Variants in CFAP74 observed in about 807,000 individuals in gnomAD.
CFAP74 encodes cilia and flagella associated protein 74.
CFAP74 carries 124 observed loss-of-function variants against 188.9 expected under a neutral mutation model. The ratio of observed to expected loss-of-function variants is 0.66; its 90% CI spans 0.57 to 0.76. The LOEUF (loss-of-function observed/expected upper bound fraction) is 0.76, where lower values mean the gene tolerates loss of function less well. CFAP74 is among the 30% of genes least tolerant of loss of function. The pLI is 0.00. For synonymous variants in CFAP74, 956 were observed against 916.7 expected, an observed-to-expected ratio of 1.04 and a Z score of -0.77; for missense variants, 2,198 against 2,165.2, an observed-to-expected ratio of 1.02 and a Z score of -0.30.
At chr1:1,947,913 T>C in intron 18 of CFAP74, among the ~76,000 whole-genome samples, 1 of 152,102 alleles carries the variant, frequency 6.6e-6, no homozygotes, top group African/African-American at 2.4e-5. Flanking sequence ...CGGTCTGTCA[T>C]CCAGGCTGGA....
chr1:1,922,170 T>G lies in CFAP74; in HGVS notation c.*117A>C. 8.0e-6 allele frequency: 4 copies of G among 502,692 alleles called. No individual in the cohort carries two copies. Among genetic ancestry groups the G allele is most frequent in the Non-Finnish European group, 9.6e-6 (3 of 311,188 alleles). 31.1% of individuals were successfully genotyped at this position (502,692 alleles called of 1,614,324 possible). On this transcript the variant is annotated 3_prime_UTR_variant, in exon 39 of 39. Coordinates refer to ENST00000682832, the MANE Select transcript of CFAP74 (RefSeq NM_001304360.2). Reference sequence around the variant, plus strand: ...GTGGCGCCATGTGGAGGGCGGCCTATTGGAATCTGGCAGAGGATGGCCAGG... The same window carrying G: ...GTGGCGCCATGTGGAGGGCGGCCTAGTGGAATCTGGCAGAGGATGGCCAGG...
chr1:1,954,292 A>G (rs1654386785), intron 18 of CFAP74: 1 of 152,252 alleles, frequency 6.6e-6, no homozygotes. Context: ...TGGGCTGTCC[A>G]GTAGGGCAGC....
chr1:1,964,025 G>C (rs1177206260), intron 13 of CFAP74, among the ~76,000 whole-genome samples, 158 bp from the exon 14 acceptor site: 2 of 152,214 alleles, frequency 1.3e-5, no homozygotes, highest in East Asian at 1.9e-4. Flanking sequence ...GAATCGAGAA[G>C]GCCCCTGGGG....
At position 1,922,226 on chromosome 1, in the gene CFAP74, C is replaced by T. The variant is rs1651436655; in HGVS notation, c.*61G>A. On this transcript the variant is annotated 3_prime_UTR_variant, in exon 39 of 39. Coordinates refer to ENST00000682832, the MANE Select transcript of CFAP74 (RefSeq NM_001304360.2). ...GGCTCTAGGGTAGTATGACCTGGCC[C>T]TCAGCCTGGGGAGGGCTTTGAGGGT... is the stretch of plus-strand genomic sequence containing the variant. 7.5e-7 allele frequency: 1 copy of T among 1,337,472 alleles called. No homozygotes were observed. Among genetic ancestry groups the T allele is most frequent in the African/African-American group, 1.5e-5 (1 of 68,944 alleles). 82.9% of individuals were successfully genotyped at this position (1,337,472 alleles called of 1,614,324 possible).
intron 20 of CFAP74, among the ~76,000 whole-genome samples, chr1:1,945,030 G>A (rs528928430): frequency 1.2e-4 from 19 of 152,264 alleles, no homozygotes; most frequent in East Asian, 3.9e-4. Context: ...TTCTATGGCC[G>A]AGCACAGTGG....
rs771598585 is a variant in CFAP74 at position 1,966,431 on chromosome 1, C to T, written c.1341G>A (p.Glu447=). Residue 447 remains glutamate (E), a synonymous_variant, in exon 12 of 39, where the codon GAG becomes GAA. Coordinates refer to ENST00000682832, the MANE Select transcript of CFAP74 (RefSeq NM_001304360.2). ...IQGDPGASSE[E]ETLAEPEISG... Reference sequence around the variant, plus strand: ...AGATCTCGGGCTCAGCTAACGTTTCCTCCTCTGAGCTGGCCCCGGGGTCCC... The same window carrying T: ...AGATCTCGGGCTCAGCTAACGTTTCTTCCTCTGAGCTGGCCCCGGGGTCCC... The T allele has an allele frequency of 6.2e-7, 1 of 1,606,328 alleles. No individual in the cohort carries two copies. Among genetic ancestry groups the T allele is most frequent in the Non-Finnish European group, 8.5e-7 (1 of 1,175,694 alleles).
At position 1,988,634 on chromosome 1, in the gene CFAP74, A is replaced by C. The variant is rs1368933172; in HGVS notation, c.174T>G (p.Thr58=). Residue 58 remains threonine, a synonymous_variant, in exon 4 of 39, where the codon ACT becomes ACG. Transcript: ENST00000682832. ...GHSSSVKELD[T]DADKLKKKTA... is the part of the protein sequence containing the mutation. Reference sequence around the variant, plus strand: ...TTTTCTTCTTCAATTTATCAGCATCAGTATCTAGTTCTTTCACTGAGCTTA... The same window carrying C: ...TTTTCTTCTTCAATTTATCAGCATCCGTATCTAGTTCTTTCACTGAGCTTA... 4 of 1,610,242 alleles carry C rather than the reference A, an allele frequency of 2.5e-6. No homozygotes were observed. The highest frequency in any genetic ancestry group is 3.4e-6 in the Non-Finnish European group (4 of 1,179,984).
At chr1:2,003,110 G>T (rs1658284191) in intron 1 of CFAP74, among the ~76,000 whole-genome samples, 1 of 152,080 alleles carries the variant, frequency 6.6e-6, no homozygotes. Context: ...TCTTAACTTG[G>T]GTAGTGGCTA....
At chr1:1,994,106 C>G (rs933534411) in intron 1 of CFAP74, among the ~76,000 whole-genome samples, 2 of 149,728 alleles carry the variant, frequency 1.3e-5, no homozygotes, top group South Asian at 2.1e-4. Context: ...TCGAGGCTGC[C>G]GTGAGCTGTG....
chr1:1,924,397 C>T lies in CFAP74; in HGVS notation c.4228G>A (p.Val1410Met), dbSNP rs1291659039. ...FLSSPSQRTE[V>M]VGTQNLNGQS... ...CCCCCCACCCCCCGCTCACCGACCA[C>T]CTCCGTCCTCTGGGAGGGCGAGCTG... is the stretch of plus-strand genomic sequence containing the variant. The change falls in exon 34 of 39, where the codon GTG becomes ATG. Residue 1410 changes from valine to methionine, a missense_variant. Transcript: ENST00000682832. 3 of 1,204,430 alleles carry T rather than the reference C, an allele frequency of 2.5e-6. No homozygotes were observed. In the East Asian group the frequency reaches 1.7e-4, roughly 69 times the overall value. 74.6% of individuals were successfully genotyped at this position (1,204,430 alleles called of 1,614,324 possible). A position where few individuals can be genotyped will look rare whatever the true frequency, so the allele number is the denominator to read the frequency against.
In CFAP74 at chr1:1,928,037, A is replaced by G. The variant is rs181485973; in HGVS notation, c.3388-291T>C. On this transcript the variant is annotated intron_variant, in intron 27 of 38. Coordinates refer to ENST00000682832, the MANE Select transcript of CFAP74 (RefSeq NM_001304360.2). ...GGTCCCCACCCTGGTGCCTTCCCCTATCTTCACCGCGGAAGGCCGAAGGCA... is the reference window on the plus strand; with the variant it reads ...GGTCCCCACCCTGGTGCCTTCCCCTGTCTTCACCGCGGAAGGCCGAAGGCA... 1.4e-3 allele frequency: 619 copies of G among 450,906 alleles called. 4 individuals are homozygous for G. The highest frequency in any genetic ancestry group is 8.6e-3 in the Middle Eastern group (13 of 1,518). The allele number at this position is 450,906 out of a possible 1,614,324, so 27.9% of individuals were successfully genotyped here.
At chr1:1,971,191 AC>A (rs1656002886) in intron 9 of CFAP74, among the ~76,000 whole-genome samples, 1 of 151,332 alleles carries the variant, frequency 6.6e-6, no homozygotes, top group African/African-American at 2.4e-5. Flanking sequence ...ACGTGCACAG[AC>A]GTGCTTACAT....
At chr1:1,960,239 GTGTGCGAACGTT>G (rs1035866162) in intron 14 of CFAP74, 1 of 565,350 alleles carries the variant, frequency 1.8e-6, no homozygotes, top group Admixed American at 3.8e-5. Context: ...GCGCTCCAGT[GTGTGCGAACGTT>G]TGTGGAGTGA....
intron 8 of CFAP74, among the ~76,000 whole-genome samples, chr1:1,972,390 G>A (rs952033272): frequency 3.3e-5 from 5 of 152,270 alleles, no homozygotes; most frequent in African/African-American, 1.2e-4. Context: ...GCAGAGGCCG[G>A]GCCATGACGA....
intron 12 of CFAP74, among the ~76,000 whole-genome samples, 198 bp downstream of exon 12, chr1:1,966,173 C>T (rs928969218): frequency 1.3e-5 from 2 of 152,294 alleles, no homozygotes; most frequent in South Asian, 4.1e-4. Context: ...CTCCAGGCTC[C>T]GCGAAGAGGG....
chr1:1,925,909 CTT>C lies in CFAP74; in HGVS notation c.3976_3977del (p.Lys1326GlufsTer22), dbSNP rs768818562. 1.7e-5 allele frequency: 27 copies of C among 1,611,736 alleles called. No homozygotes were observed. Among genetic ancestry groups the C allele is most frequent in the Non-Finnish European group, 1.7e-6 (2 of 1,179,542 alleles). On this transcript the variant is annotated frameshift_variant, in exon 33 of 39. Coordinates refer to ENST00000682832, the MANE Select transcript of CFAP74 (RefSeq NM_001304360.2). LOFTEE classifies it high-confidence loss of function. The part of the protein sequence containing the change: ...LAQETLDIIT[K>X]RGTLTLTLMG... ...TGAGGGTGAGGGTGAGCGTGCCTCT[CTT>C]GGTGATGATGTCCAGTGTTTCTTGA...
intron 21 of CFAP74, 45 bp downstream of exon 21, chr1:1,944,286 C>A: frequency 6.6e-7 from 1 of 1,521,656 alleles, no homozygotes. Flanking sequence ...CGGCTCACCC[C>A]GTGTGCGTGG....
intron 24 of CFAP74, 91 bp from the exon 25 acceptor site, chr1:1,939,079 AGT>A (rs1653165282): frequency 7.5e-7 from 1 of 1,336,876 alleles, no homozygotes; most frequent in African/African-American, 1.5e-5. Context: ...GTAAGAGATG[AGT>A]GTGATCGTGT....
At chr1:1,997,328 A>G (rs1470924387) in intron 1 of CFAP74, among the ~76,000 whole-genome samples, 1 of 151,976 alleles carries the variant, frequency 6.6e-6, no homozygotes, top group East Asian at 1.9e-4. Flanking sequence ...AGGCTGAGGC[A>G]GGAGAAACGT....
Sources: gnomAD v4.1 joint callset for allele counts (sites outside exome capture counted in the v4.1 genomes callset) on GRCh38, gnomAD v4.1.1 for gene constraint, MANE v1.5 for transcripts, NCBI Gene and HGNC (gene_info 2026-07-23, HGNC 2026-07-21) for gene names.